CHRM3: variants seen among roughly 807,000 people sequenced by gnomAD.
CHRM3 encodes the protein cholinergic receptor muscarinic 3, also known as muscarinic acetylcholine receptor M3.
Under a neutral mutation model 41.8 loss-of-function variants are expected in CHRM3, and 11 were observed. The observed-to-expected ratio is 0.26, with a 90% CI of 0.17 to 0.44. The LOEUF (loss-of-function observed/expected upper bound fraction) is 0.44. Ranked by LOEUF, CHRM3 falls within the 20% of genes least tolerant of loss-of-function variation. The pLI is 1.00. For missense variants in CHRM3, 571 were observed against 745.4 expected, an observed-to-expected ratio of 0.77 and a Z score of 2.72; for synonymous variants, 297 against 301.4, an observed-to-expected ratio of 0.99 and a Z score of 0.15.
At chr1:239,421,525 C>G (rs908134992) in intron 1 of CHRM3, among the ~76,000 whole-genome samples, 1 of 152,138 alleles carries the variant, frequency 6.6e-6, no homozygotes, top group Non-Finnish European at 1.5e-5. Flanking sequence ...TTAAAATGCC[C>G]TGCACCTGAT....
At chr1:239,727,053 C>T (rs1271006526) in intron 5 of CHRM3, among the ~76,000 whole-genome samples, 1 of 151,830 alleles carries the variant, frequency 6.6e-6, no homozygotes, top group Non-Finnish European at 1.5e-5. Context: ...ACAATTTTCT[C>T]ATGTGTATTA....
At chr1:239,850,443 T>A (rs1004234324) in intron 6 of CHRM3, among the ~76,000 whole-genome samples, 1 of 152,076 alleles carries the variant, frequency 6.6e-6, no homozygotes, top group Non-Finnish European at 1.5e-5. Flanking sequence ...CTCGGTGTAA[T>A]TTTCATTGAA....
At chr1:239,411,896 C>T (rs1028292047) in intron 1 of CHRM3, among the ~76,000 whole-genome samples, 3 of 152,018 alleles carry the variant, frequency 2.0e-5, no homozygotes, top group Middle Eastern at 3.4e-3. Context: ...GAGGCAACCA[C>T]ATTCAGATTC....
At chr1:239,753,292 A>G (rs1220974856) in intron 5 of CHRM3, among the ~76,000 whole-genome samples, 1 of 152,152 alleles carries the variant, frequency 6.6e-6, no homozygotes, top group Non-Finnish European at 1.5e-5. Flanking sequence ...TTAATAATGT[A>G]TAAGTCCATT....
At chr1:239,803,599 G>A (rs1233964260) in intron 5 of CHRM3, among the ~76,000 whole-genome samples, 2 of 152,170 alleles carry the variant, frequency 1.3e-5, no homozygotes, top group African/African-American at 2.4e-5. Flanking sequence ...GGTGCCTTCA[G>A]CCATCCTCAC....
rs1665553586 is a variant in CHRM3, at chr1:239,748,485, T to C, written c.-147+70197T>C. ...ATCTGTCCTTGACTCTTTCATTCCA[T>C]AGAATTTTTAAATATGCAGTGTGTT... On this transcript the variant is annotated intron_variant, in intron 5 of 6. Coordinates refer to ENST00000676153, the MANE Select transcript of CHRM3 (RefSeq NM_001375978.1). This position sits in a 1 kb window ranked among gnomAD's most constrained non-coding sequence, Gnocchi z 4.3. 6.6e-6 allele frequency among the ~76,000 whole-genome samples: 1 copy of C among 152,252 alleles called. No individual in the cohort carries two copies. The highest frequency in any genetic ancestry group is 2.4e-5 in the African/African-American group (1 of 41,466).
In CHRM3 at chr1:239,442,065, G is replaced by A. The variant is rs72754685; in HGVS notation, c.-520-50644G>A. Among the ~76,000 whole-genome samples, 1,114 of 152,136 alleles carry A rather than the reference G, an allele frequency of 7.3e-3. 14 individuals are homozygous for A. Among genetic ancestry groups the A allele is most frequent in the Middle Eastern group, 0.01 (3 of 294 alleles). On this transcript the variant is annotated intron_variant, in intron 1 of 6. Transcript: ENST00000676153. ...ACATAATATGTATCTCTTCTCAAAT[G>A]CTTCAGTTCCACAGCAGGGTTCAGC... is the stretch of plus-strand genomic sequence containing the variant.
intron 2 of CHRM3, among the ~76,000 whole-genome samples, chr1:239,524,472 C>T (rs1465381277): frequency 1.3e-5 from 2 of 151,356 alleles, no homozygotes; most frequent in East Asian, 1.9e-4. Context: ...AATTATTTGT[C>T]GCCATGACCG....
At chr1:239,801,991 C>T (rs1042250142) in intron 5 of CHRM3, among the ~76,000 whole-genome samples, 1 of 152,190 alleles carries the variant, frequency 6.6e-6, no homozygotes, top group Admixed American at 6.5e-5. Flanking sequence ...GGATTAGCGA[C>T]AGTCCCAGTG....
intron 2 of CHRM3, among the ~76,000 whole-genome samples, chr1:239,527,720 C>A (rs1242563353): frequency 6.6e-6 from 1 of 152,194 alleles, no homozygotes; most frequent in Admixed American, 6.5e-5. Context: ...CAGCTAATAA[C>A]TTTCAACGGT....
intron 2 of CHRM3, among the ~76,000 whole-genome samples, chr1:239,496,685 A>G (rs1022081607): frequency 6.6e-6 from 1 of 152,142 alleles, no homozygotes; most frequent in African/African-American, 2.4e-5. Flanking sequence ...TATTTTGAAC[A>G]TAACTTTATA....
chr1:239,512,411 A>G (rs1668983261), intron 2 of CHRM3, among the ~76,000 whole-genome samples: 1 of 152,154 alleles, frequency 6.6e-6, no homozygotes. Flanking sequence ...GGTGGCTACA[A>G]GTAGGGCCTG....
chr1:239,640,373 C>T (rs149291446), intron 4 of CHRM3, among the ~76,000 whole-genome samples: 52,581 of 151,756 alleles, frequency 0.35, 9,432 homozygotes, highest in African/African-American at 0.42. Flanking sequence ...TAGTAGAATT[C>T]GGCTGTGAAT....
At chr1:239,574,701 T>C (rs955404487) in intron 3 of CHRM3, among the ~76,000 whole-genome samples, 1 of 152,208 alleles carries the variant, frequency 6.6e-6, no homozygotes, top group Non-Finnish European at 1.5e-5. Flanking sequence ...CCATATATTA[T>C]GTTCAATGAG....
chr1:239,774,850 G>A (rs1420825145), intron 5 of CHRM3, among the ~76,000 whole-genome samples: 1 of 152,164 alleles, frequency 6.6e-6, no homozygotes, highest in Non-Finnish European at 1.5e-5. Context: ...TTTTCTAACA[G>A]CTACTCTGGA....
At chr1:239,882,693 A>T (rs908089064) in intron 6 of CHRM3, among the ~76,000 whole-genome samples, 1 of 152,244 alleles carries the variant, frequency 6.6e-6, no homozygotes, top group African/African-American at 2.4e-5. Flanking sequence ...AGGAAAAACT[A>T]ATCTATACTA....
intron 5 of CHRM3, among the ~76,000 whole-genome samples, chr1:239,814,918 G>A (rs1225545798): frequency 1.3e-5 from 2 of 152,054 alleles, no homozygotes; most frequent in African/African-American, 4.8e-5. Flanking sequence ...TGGGATTACA[G>A]GCACACGCCA....
chr1:239,880,730 C>T (rs985512104), intron 6 of CHRM3, among the ~76,000 whole-genome samples: 1 of 152,086 alleles, frequency 6.6e-6, no homozygotes, highest in Non-Finnish European at 1.5e-5. Flanking sequence ...TCCTGGCCTA[C>T]AAGTGATCCT....
At chr1:239,830,613 A>G (rs1427304296) in intron 6 of CHRM3, among the ~76,000 whole-genome samples, 2 of 152,232 alleles carry the variant, frequency 1.3e-5, no homozygotes, top group African/African-American at 4.8e-5. Flanking sequence ...CTAAGGCAGG[A>G]GAATTGCTTG....
Sources: gnomAD v4.1 joint callset for allele counts (sites outside exome capture counted in the v4.1 genomes callset) on GRCh38, gnomAD v4.1.1 for gene constraint, Gnocchi (gnomAD v3.1) non-coding constraint, MANE v1.5 for transcripts, NCBI Gene and HGNC (gene_info 2026-07-23, HGNC 2026-07-21) for gene names.